The following ABLIM3 variants were observed in gnomAD, a reference collection of about 807,000 sequenced individuals.
ABLIM3 encodes actin binding LIM protein family member 3.
Under a neutral mutation model 109.5 loss-of-function variants are expected in ABLIM3, and 61 were observed. The ratio of observed to expected loss-of-function variants is 0.56; its 90% CI spans 0.45 to 0.69. The LOEUF (loss-of-function observed/expected upper bound fraction) is 0.69. ABLIM3 is among the 30% of genes least tolerant of loss of function. The pLI, the probability that ABLIM3 is intolerant of heterozygous loss-of-function variation, is 0.00. For missense variants in ABLIM3, 796 were observed against 889.5 expected (o/e 0.89, Z 1.34); for synonymous variants, 300 against 324.8 (o/e 0.92, Z 0.82).
Position 149,260,330 on chromosome 5 carries a change from T to C in ABLIM3, c.*1926T>C, listed in dbSNP as rs1366349995. On this transcript the variant is annotated 3_prime_UTR_variant, in exon 24 of 24. Coordinates refer to ENST00000309868, the MANE Select transcript of ABLIM3 (RefSeq NM_014945.5). ...AATCATCCCCAGCCAGACGCAATCA[T>C]GGAAGTTGCCTTATTGTCACTGGTT... The C allele has an allele frequency of 6.6e-6, 1 of 152,642 alleles. No homozygotes were observed. The highest frequency in any genetic ancestry group is 2.4e-5 in the African/African-American group (1 of 41,452). The allele number at this position is 152,642 out of a possible 1,614,324, so 9.5% of individuals were successfully genotyped here. A position where few individuals can be genotyped will look rare whatever the true frequency, so the allele number is the denominator to read the frequency against.
At chr5:149,183,372 T>C in intron 2 of ABLIM3, 80 bp from the exon 3 acceptor site, 1 of 1,425,896 alleles carries the variant, frequency 7.0e-7, no homozygotes, top group Non-Finnish European at 9.3e-7. Flanking sequence ...TTCTTCCAGC[T>C]ACAATTATGA....
intron 2 of ABLIM3, among the ~76,000 whole-genome samples, chr5:149,171,270 G>A (rs1434744242): frequency 6.6e-6 from 1 of 152,128 alleles, no homozygotes; most frequent in African/African-American, 2.4e-5. Context: ...TCTCCACACT[G>A]TTTAGTCTCA....
chr5:149,152,455 C>T (rs1437918404), intron 2 of ABLIM3, among the ~76,000 whole-genome samples: 1 of 152,188 alleles, frequency 6.6e-6, no homozygotes, highest in East Asian at 1.9e-4. Context: ...TGCCACATGT[C>T]CTTATTCCCC....
rs963866780 is a variant in ABLIM3 at position 149,258,876 on chromosome 5, G to A, written c.*472G>A. On this transcript the variant is annotated 3_prime_UTR_variant, in exon 24 of 24. Transcript: ENST00000309868. ...TCAGTGAGCACCTTTGAGCGCCCAC[G>A]AAGAACTTTCTCAACACCCCCAATT... The A allele has an allele frequency of 3.6e-5, 36 of 989,512 alleles. No individual in the cohort carries two copies. In the African/African-American group the frequency reaches 4.2e-4, roughly 12 times the overall value. 61.3% of individuals were successfully genotyped at this position (989,512 alleles called of 1,614,324 possible).
chr5:149,203,621 C>T (rs1272553457), intron 5 of ABLIM3, among the ~76,000 whole-genome samples: 1 of 152,086 alleles, frequency 6.6e-6, no homozygotes, highest in African/African-American at 2.4e-5. Flanking sequence ...CCAACACAAT[C>T]ACCACCACCT....
In ABLIM3 at chr5:149,210,710, G is replaced by T. The variant is rs763285228; in HGVS notation, c.576-16G>T. 61 of 1,612,140 alleles carry T rather than the reference G, an allele frequency of 3.8e-5. No homozygotes were observed. Among genetic ancestry groups the T allele is most frequent in the Middle Eastern group, 1.6e-4 (1 of 6,072 alleles). ...CCTCCCTAACTTCCTCATCCTATGT[G>T]AACTTCTTCTTGCAGGGATGGTGTT... On this transcript the variant is annotated splice_polypyrimidine_tract_variant and intron_variant, in intron 6 of 23. Coordinates refer to ENST00000309868, the MANE Select transcript of ABLIM3 (RefSeq NM_014945.5).
At chr5:149,169,001 T>C (rs1755092303) in intron 2 of ABLIM3, among the ~76,000 whole-genome samples, 1 of 147,360 alleles carries the variant, frequency 6.8e-6, no homozygotes, top group African/African-American at 2.7e-5. Flanking sequence ...AAGCAGGTGA[T>C]ACCACTTTGA....
intron 21 of ABLIM3, 67 bp from the exon 22 acceptor site, chr5:149,252,134 G>A: frequency 6.3e-7 from 1 of 1,593,780 alleles, no homozygotes; most frequent in Non-Finnish European, 8.6e-7. Flanking sequence ...ACAGAGGCCT[G>A]TGTAGTGATG....
chr5:149,151,410 A>G (rs1224596152), intron 2 of ABLIM3, among the ~76,000 whole-genome samples: 1 of 152,222 alleles, frequency 6.6e-6, no homozygotes, highest in Non-Finnish European at 1.5e-5. Flanking sequence ...GTGGGGACAC[A>G]ATTCAATCCA....
chr5:149,225,879 A>ATTATT, intron 8 of ABLIM3, among the ~76,000 whole-genome samples: 1 of 149,682 alleles, frequency 6.7e-6, no homozygotes, highest in South Asian at 2.1e-4. Flanking sequence ...TGCAAATGCC[A>ATTATT]TTATTTTGTT....
intron 8 of ABLIM3, among the ~76,000 whole-genome samples, chr5:149,222,147 A>G: frequency 6.6e-6 from 1 of 150,622 alleles, no homozygotes; most frequent in East Asian, 1.9e-4. Context: ...TCATTTTATT[A>G]TTATTATTAA....
In ABLIM3 at chr5:149,230,651, T is replaced by G; in HGVS notation, c.760T>G (p.Ser254Ala). The stretch of plus-strand genomic sequence containing the variant: ...TCGTTATTTTCATGACCCCTTAGGT[T>G]CCGAGGTTTGGCACCCCATCTGCAA... ...TEGEEMYLTG[S>A]EVWHPICKQA... is the part of the protein sequence containing the mutation. Residue 254 changes from serine to alanine, a missense_variant and splice_region_variant, in exon 9 of 24, where the codon TCC (serine) becomes GCC (alanine). Ser to Ala is a moderately conservative substitution (Grantham distance 99, BLOSUM62 1). Transcript: ENST00000309868. The G allele has an allele frequency of 6.2e-7, 1 of 1,613,962 alleles. No individual in the cohort carries two copies. Among genetic ancestry groups the G allele is most frequent in the East Asian group, 2.2e-5 (1 of 44,872 alleles).
chr5:149,165,474 C>G (rs1473282432), intron 2 of ABLIM3, among the ~76,000 whole-genome samples: 1 of 152,092 alleles, frequency 6.6e-6, no homozygotes, highest in Non-Finnish European at 1.5e-5. Context: ...CTTTAATCTC[C>G]TCTTTAAGAC....
chr5:149,174,046 G>A (rs1369789393), intron 2 of ABLIM3, among the ~76,000 whole-genome samples: 9 of 113,374 alleles, frequency 7.9e-5, no homozygotes, highest in South Asian at 2.8e-4. Flanking sequence ...AAAAAAAAAA[G>A]AAGTAGGAAC....
chr5:149,200,657 C>A, intron 5 of ABLIM3: 1 of 550,770 alleles, frequency 1.8e-6, no homozygotes, highest in East Asian at 2.9e-5. Context: ...TAGCCAGTGC[C>A]AATATTTGCC....
chr5:149,249,702 C>T, intron 18 of ABLIM3, 113 bp from the exon 19 acceptor site: 1 of 1,338,126 alleles, frequency 7.5e-7, no homozygotes, highest in Non-Finnish European at 1.1e-6. Flanking sequence ...CCCCTTTTCC[C>T]AGCCAGCCAG....
At chr5:149,182,439 C>T (rs1228236978) in intron 2 of ABLIM3, among the ~76,000 whole-genome samples, 2 of 152,164 alleles carry the variant, frequency 1.3e-5, no homozygotes, top group African/African-American at 4.8e-5. Flanking sequence ...GAGTATGTTT[C>T]TCAGTGGCAA....
chr5:149,240,692 G>A lies in ABLIM3; in HGVS notation c.1221G>A (p.Arg407=), dbSNP rs1752729880. 1.9e-6 allele frequency: 3 copies of A among 1,614,064 alleles called. No individual in the cohort carries two copies. Among genetic ancestry groups the A allele is most frequent in the South Asian group, 2.2e-5 (2 of 91,080 alleles). Residue 407 remains arginine, a synonymous_variant, in exon 14 of 24, where the codon CGG becomes CGA. Coordinates refer to ENST00000309868, the MANE Select transcript of ABLIM3 (RefSeq NM_014945.5). ...GTGCTCCAGGGCCCGAGAGTGGCCG[G>A]AGCTCTCCATACCATAGCCAGTTAG... ...HYYRSGPESG[R]SSPYHSQLDV... is the part of the protein sequence containing the mutation.
chr5:149,207,751 C>T (rs1399116826), intron 6 of ABLIM3, among the ~76,000 whole-genome samples: 1 of 152,194 alleles, frequency 6.6e-6, no homozygotes, highest in East Asian at 1.9e-4. Context: ...CTGAGAGCAA[C>T]ACCTGACCCA....
Sources: allele counts gnomAD v4.1 joint callset (sites outside exome capture counted in the v4.1 genomes callset), GRCh38; gene constraint gnomAD v4.1.1; transcripts MANE v1.5; gene names NCBI Gene and HGNC (gene_info 2026-07-23, HGNC 2026-07-21).